Variants in PTP4A3 observed in about 807,000 individuals in gnomAD.
PTP4A3 encodes protein tyrosine phosphatase 4A3.
In PTP4A3, 9 loss-of-function variants were observed where a neutral mutation model predicts 15.2. The observed-to-expected ratio is 0.59, with a 90% CI of 0.36 to 1.03. PTP4A3 has a LOEUF of 1.03. Among genes scored for constraint, PTP4A3 ranks in the 50% least tolerant of loss-of-function variants. The pLI is 0.02. For synonymous variants in PTP4A3, 95 were observed against 102.0 expected (o/e 0.93, Z 0.41); for missense variants, 234 against 252.1 (o/e 0.93, Z 0.49).
At chr8:141,426,852 TC>T in intron 3 of PTP4A3, 86 bp from the exon 4 acceptor site, 2 of 1,524,698 alleles carry the variant, frequency 1.3e-6, no homozygotes, top group Non-Finnish European at 1.8e-6. Context: ...CCTCTGCCTC[TC>T]AGAGCTCCCT....
At chr8:141,428,312 A>C (rs1833682709) in intron 5 of PTP4A3, among the ~76,000 whole-genome samples, 1 of 146,764 alleles carries the variant, frequency 6.8e-6, no homozygotes, top group African/African-American at 2.5e-5. Context: ...CCCTCCTTAG[A>C]GGCTTCTAGG....
intron 1 of PTP4A3, among the ~76,000 whole-genome samples, chr8:141,420,323 C>T (rs1833269986): frequency 6.6e-6 from 1 of 152,144 alleles, no homozygotes; most frequent in African/African-American, 2.4e-5. Context: ...CAGCAGTGCC[C>T]AAATACAGCT....
Position 141,425,712 on chromosome 8 carries a change from G to A in PTP4A3, c.198+572G>A, listed in dbSNP as rs1392070182. On this transcript the variant is annotated intron_variant, in intron 3 of 5. Transcript: ENST00000521578. The surrounding 1 kb of genome is among the most constrained non-coding windows in gnomAD (Gnocchi z 4.2). ...GGTGGACGACTGCCCCCCTGGTGCA[G>A]GCCTGCCCAGCTGCGCCTGGGCCTC... Among the ~76,000 whole-genome samples the A allele has an allele frequency of 3.9e-5, 6 of 152,166 alleles. No homozygotes were observed.
chr8:141,395,629 G>C (rs1019521582), intron 1 of PTP4A3, among the ~76,000 whole-genome samples: 5 of 142,148 alleles, frequency 3.5e-5, no homozygotes, highest in African/African-American at 1.1e-4. Flanking sequence ...ATAGGTGCAT[G>C]GGCCACCCCT....
At chr8:141,402,297 A>G (rs1366298164) in intron 1 of PTP4A3, among the ~76,000 whole-genome samples, 6 of 152,168 alleles carry the variant, frequency 3.9e-5, no homozygotes, top group African/African-American at 1.4e-4. Flanking sequence ...CACCTCCTCC[A>G]GCCCTCTGGC....
At chr8:141,409,503 G>A (rs1437571615) in intron 1 of PTP4A3, among the ~76,000 whole-genome samples, 1 of 152,230 alleles carries the variant, frequency 6.6e-6, no homozygotes. Context: ...CCACGGCGAT[G>A]CCCAGAGCCC....
intron 2 of PTP4A3, among the ~76,000 whole-genome samples, chr8:141,424,444 C>T (rs981915851): frequency 6.6e-6 from 1 of 152,140 alleles, no homozygotes; most frequent in Non-Finnish European, 1.5e-5. Flanking sequence ...TGCTCTGAGG[C>T]GCCCCAGCTG....
chr8:141,398,191 G>T (rs1461110661), intron 1 of PTP4A3, among the ~76,000 whole-genome samples: 1 of 152,182 alleles, frequency 6.6e-6, no homozygotes, highest in Non-Finnish European at 1.5e-5. Flanking sequence ...GGCCAGTGGG[G>T]CCCAGGTCTC....
chr8:141,412,320 G>A (rs1396366707), intron 1 of PTP4A3, among the ~76,000 whole-genome samples: 2 of 152,218 alleles, frequency 1.3e-5, no homozygotes, highest in Admixed American at 6.5e-5. Context: ...GGAACAGGCC[G>A]GCCCAGCTCC....
intron 1 of PTP4A3, among the ~76,000 whole-genome samples, chr8:141,409,862 G>A (rs929803209): frequency 1.1e-4 from 16 of 152,358 alleles, no homozygotes; most frequent in Middle Eastern, 3.4e-3. Flanking sequence ...GGTGCCCAGC[G>A]GTGCCTGCGG....
chr8:141,406,258 C>T lies in PTP4A3; in HGVS notation c.-854+14174C>T, dbSNP rs1035800732. Among the ~76,000 whole-genome samples, 2 of 152,144 alleles carry T rather than the reference C, an allele frequency of 1.3e-5. No homozygotes were observed. Among genetic ancestry groups the T allele is most frequent in the African/African-American group, 4.8e-5 (2 of 41,416 alleles). The stretch of plus-strand genomic sequence containing the variant: ...GTCGGCCACCCACGGCTGCTTCCTG[C>T]CCCATCTGGGGATTCCGGGGACTTT... On this transcript the variant is annotated intron_variant, in intron 1 of 5. Coordinates refer to ENST00000521578, the MANE Select transcript of PTP4A3 (RefSeq NM_032611.3). This position sits in a 1 kb window ranked among gnomAD's most constrained non-coding sequence, Gnocchi z 4.5.
intron 1 of PTP4A3, among the ~76,000 whole-genome samples, chr8:141,401,116 G>T (rs1406068012): frequency 1.3e-5 from 2 of 152,160 alleles, no homozygotes; most frequent in Admixed American, 6.5e-5. Context: ...CTCACCCAGG[G>T]CACATCCTTA....
intron 1 of PTP4A3, among the ~76,000 whole-genome samples, chr8:141,418,270 C>G (rs1324195419): frequency 2.0e-5 from 3 of 152,230 alleles, no homozygotes; most frequent in African/African-American, 7.2e-5. Flanking sequence ...GCCTCCTCCC[C>G]CAAAATCACA....
At chr8:141,393,528 G>A (rs949630136) in intron 1 of PTP4A3, among the ~76,000 whole-genome samples, 2 of 152,230 alleles carry the variant, frequency 1.3e-5, no homozygotes, top group African/African-American at 4.8e-5. Flanking sequence ...CTGGAGATGG[G>A]GCATGGCTGG....
At chr8:141,426,698 G>A in intron 3 of PTP4A3, 3 of 982,392 alleles carry the variant, frequency 3.1e-6, no homozygotes, top group Non-Finnish European at 3.6e-6. Context: ...GGTCCAGGAA[G>A]GCTTCCTGGA....
rs997131139 is a variant in PTP4A3, at chr8:141,422,120, C to T, written c.-121C>T. 35 of 945,674 alleles carry T rather than the reference C, an allele frequency of 3.7e-5. No homozygotes were observed. Among genetic ancestry groups the T allele is most frequent in the Non-Finnish European group, 5.2e-5 (32 of 611,526 alleles). The allele number at this position is 945,674 out of a possible 1,614,324, so 58.6% of individuals were successfully genotyped here. A position where few individuals can be genotyped will look rare whatever the true frequency, so the allele number is the denominator to read the frequency against. Reference sequence around the variant, plus strand: ...GGGTGGGTTTTTAAATCTCGTTTCTCTTGGACAAGCACAGGGATCTCGTTC... The same window carrying T: ...GGGTGGGTTTTTAAATCTCGTTTCTTTTGGACAAGCACAGGGATCTCGTTC... On this transcript the variant is annotated 5_prime_UTR_variant, in exon 2 of 6. Transcript: ENST00000521578.
At chr8:141,409,902 G>A (rs1295293208) in intron 1 of PTP4A3, among the ~76,000 whole-genome samples, 2 of 152,256 alleles carry the variant, frequency 1.3e-5, no homozygotes, top group African/African-American at 4.8e-5. Flanking sequence ...GTGCCTGCCT[G>A]CCACCCACCT....
intron 5 of PTP4A3, among the ~76,000 whole-genome samples, 188 bp downstream of exon 5, chr8:141,428,012 C>G (rs954411708): frequency 6.6e-6 from 1 of 152,072 alleles, no homozygotes; most frequent in Non-Finnish European, 1.5e-5. Context: ...CAGCAGCCCC[C>G]GAGTGACCAT....
At position 141,422,359 on chromosome 8, in the gene PTP4A3, G is replaced by A; in HGVS notation, c.105+14G>A. The A allele has an allele frequency of 6.2e-7, 1 of 1,613,204 alleles. No individual in the cohort carries two copies. Reference sequence around the variant, plus strand: ...ACCTTCATTGAGGTGAGTGGAGACGGAGGTGTGGCAGGCAGGTGGCCCAGG... The same window carrying A: ...ACCTTCATTGAGGTGAGTGGAGACGAAGGTGTGGCAGGCAGGTGGCCCAGG... On this transcript the variant is annotated intron_variant, in intron 2 of 5. Coordinates refer to ENST00000521578, the MANE Select transcript of PTP4A3 (RefSeq NM_032611.3).
Sources: allele counts gnomAD v4.1 joint callset (sites outside exome capture counted in the v4.1 genomes callset), GRCh38; gene constraint gnomAD v4.1.1; non-coding constraint Gnocchi (gnomAD v3.1); transcripts MANE v1.5; gene names NCBI Gene and HGNC (gene_info 2026-07-23, HGNC 2026-07-21).